RERG: variants seen among roughly 807,000 people sequenced by gnomAD.
RERG encodes ras-related and estrogen-regulated growth inhibitor.
In RERG, 25 loss-of-function variants were observed where a neutral mutation model predicts 23.2. The observed-to-expected ratio is 1.08, with a 90% CI of 0.79 to 1.50. The LOEUF is 1.50. Among genes scored for constraint, RERG ranks in the 40% most tolerant of loss-of-function variants. The pLI, the probability that RERG is intolerant of heterozygous loss-of-function variation, is 0.00. For missense variants in RERG, 253 were observed against 250.1 expected (o/e 1.01, Z -0.08); for synonymous variants, 81 against 89.1 (o/e 0.91, Z 0.51).
At chr12:15,191,300 C>A (rs1022751284) in intron 2 of RERG, among the ~76,000 whole-genome samples, 1 of 152,030 alleles carries the variant, frequency 6.6e-6, no homozygotes, top group Non-Finnish European at 1.5e-5. Context: ...TAAATCCTTT[C>A]TCTCCCTTAT....
chr12:15,127,856 AT>A (rs1863975044), intron 2 of RERG, among the ~76,000 whole-genome samples: 2 of 152,214 alleles, frequency 1.3e-5, no homozygotes, highest in South Asian at 4.1e-4. Flanking sequence ...TTAAGTATAT[AT>A]TAAATACTGA....
rs772353150 is a variant in RERG, at chr12:15,212,042, CTTTTTTTTTT to C, written c.61+5377_61+5386del. ...ATGTGATATTAGAGCCACGAATAAA[CTTTTTTTTTT>C]TTTTTTTTTTTTTTTTTTGAGACGG... is the stretch of plus-strand genomic sequence containing the variant. On this transcript the variant is annotated intron_variant, in intron 2 of 4. Transcript: ENST00000256953. Among the ~76,000 whole-genome samples, 19 of 64,716 alleles carry C rather than the reference CTTTTTTTTTT, an allele frequency of 2.9e-4. No individual in the cohort carries two copies. The Admixed American group carries it at 3.1e-3, about 11-fold the overall frequency. 42.5% of individuals were successfully genotyped at this position (64,716 alleles called of 152,430 possible). A position where few individuals can be genotyped will look rare whatever the true frequency, so the allele number is the denominator to read the frequency against.
intron 2 of RERG, among the ~76,000 whole-genome samples, chr12:15,194,956 C>T (rs1433231823): frequency 6.6e-6 from 1 of 152,052 alleles, no homozygotes; most frequent in Admixed American, 6.6e-5. Context: ...TTATAGCCAT[C>T]AAAAATTGAT....
At chr12:15,210,336 T>C (rs1009003606) in intron 2 of RERG, among the ~76,000 whole-genome samples, 2 of 152,202 alleles carry the variant, frequency 1.3e-5, no homozygotes, top group Non-Finnish European at 2.9e-5. Flanking sequence ...AAATTAGCCA[T>C]TAGTTTAAAA....
chr12:15,168,566 T>C (rs1054341283), intron 2 of RERG, among the ~76,000 whole-genome samples: 1 of 152,174 alleles, frequency 6.6e-6, no homozygotes, highest in African/African-American at 2.4e-5. Flanking sequence ...CCTGGTGTCA[T>C]GTTGTGGGTA....
At chr12:15,116,221 T>A (rs1416211754) in intron 3 of RERG, among the ~76,000 whole-genome samples, 1 of 152,228 alleles carries the variant, frequency 6.6e-6, no homozygotes. Flanking sequence ...GCATCACGCA[T>A]GCTGGGGAGC....
chr12:15,110,463 C>CTTTTT lies in RERG; in HGVS notation c.192+876_192+880dup, dbSNP rs869218147. ...CTGTCATTCCAGTGGCCATTTTTTT[C>CTTTTT]TTTTTTTTTTTTTTTTTTTTTTTTT... On this transcript the variant is annotated intron_variant, in intron 4 of 4. Transcript: ENST00000256953. Among the ~76,000 whole-genome samples the CTTTTT allele has an allele frequency of 1.5e-3, 107 of 73,146 alleles. 17 individuals carry two copies. Among genetic ancestry groups the CTTTTT allele is most frequent in the Middle Eastern group, 0.021 (2 of 94 alleles). 48.0% of individuals were successfully genotyped at this position (73,146 alleles called of 152,430 possible).
intron 2 of RERG, among the ~76,000 whole-genome samples, chr12:15,159,658 C>A (rs1374128472): frequency 6.6e-6 from 1 of 152,176 alleles, no homozygotes; most frequent in Non-Finnish European, 1.5e-5. Flanking sequence ...CCCGTCTCTA[C>A]TAAAAATACC....
chr12:15,131,966 G>A (rs1270479117), intron 2 of RERG, among the ~76,000 whole-genome samples: 1 of 152,154 alleles, frequency 6.6e-6, no homozygotes, highest in Non-Finnish European at 1.5e-5. Context: ...AAGGGTGTCA[G>A]TGGAAGGAAT....
intron 2 of RERG, among the ~76,000 whole-genome samples, chr12:15,193,580 C>G (rs979017744): frequency 6.6e-6 from 1 of 152,168 alleles, no homozygotes; most frequent in Non-Finnish European, 1.5e-5. Flanking sequence ...ATGCTGCCCA[C>G]ACTGGGGCTC....
chr12:15,191,958 A>C (rs1290355022), intron 2 of RERG, among the ~76,000 whole-genome samples: 2 of 152,162 alleles, frequency 1.3e-5, no homozygotes, highest in Non-Finnish European at 2.9e-5. Flanking sequence ...TTGAATGAAC[A>C]AATGCCAAGT....
intron 2 of RERG, among the ~76,000 whole-genome samples, chr12:15,186,647 TCAAA>T (rs1355377120): frequency 6.6e-6 from 1 of 151,618 alleles, no homozygotes; most frequent in Non-Finnish European, 1.5e-5. Context: ...GAAGAAGGAA[TCAAA>T]CAAAGAAAGA....
At chr12:15,218,034 A>C (rs1865466280) in intron 1 of RERG, 1 of 152,696 alleles carries the variant, frequency 6.5e-6, no homozygotes, top group Non-Finnish European at 1.5e-5. Context: ...ACATACATTC[A>C]TATTAGTCAA....
At position 15,171,377 on chromosome 12, in the gene RERG, G is replaced by A. The variant is rs1864776106; in HGVS notation, c.61+46052C>T. ...GAATAAATGATTTAATTAACACAAGGTGAGTTCAGGGACCAAATAATTTGG... is the reference window on the plus strand; with the variant it reads ...GAATAAATGATTTAATTAACACAAGATGAGTTCAGGGACCAAATAATTTGG... On this transcript the variant is annotated intron_variant, in intron 2 of 4. Coordinates refer to ENST00000256953, the MANE Select transcript of RERG (RefSeq NM_032918.3). 2.0e-5 allele frequency among the ~76,000 whole-genome samples: 3 copies of A among 152,184 alleles called. No homozygotes were observed. The South Asian group carries it at 6.2e-4, about 31-fold the overall frequency.
chr12:15,119,427 T>C (rs954174282), intron 3 of RERG, among the ~76,000 whole-genome samples: 2 of 152,176 alleles, frequency 1.3e-5, no homozygotes, highest in African/African-American at 4.8e-5. Context: ...TCATCTTTCA[T>C]TGAGATATAT....
At chr12:15,111,499 T>C (rs1355012737) in intron 3 of RERG, 82 bp from the exon 4 acceptor site, 4 of 1,079,980 alleles carry the variant, frequency 3.7e-6, no homozygotes, top group East Asian at 2.4e-5. Context: ...AAAATGGGCA[T>C]GGGAGAAGTA....
At chr12:15,127,673 T>C (rs990116057) in intron 2 of RERG, among the ~76,000 whole-genome samples, 3 of 152,240 alleles carry the variant, frequency 2.0e-5, no homozygotes, top group Non-Finnish European at 4.4e-5. Context: ...TTTGTGGAGA[T>C]AGTTTATTAC....
chr12:15,134,536 C>A (rs563652508), intron 2 of RERG, among the ~76,000 whole-genome samples: 1 of 152,108 alleles, frequency 6.6e-6, no homozygotes, highest in African/African-American at 2.4e-5. Context: ...TGAAGTCAGT[C>A]CTCTGAATGT....
intron 2 of RERG, among the ~76,000 whole-genome samples, chr12:15,194,763 G>A (rs1865119593): frequency 6.6e-6 from 1 of 152,092 alleles, no homozygotes; most frequent in Non-Finnish European, 1.5e-5. Context: ...GGTTGCTGCA[G>A]GATGTTGGGC....
Sources: allele counts gnomAD v4.1 joint callset (sites outside exome capture counted in the v4.1 genomes callset), GRCh38; gene constraint gnomAD v4.1.1; transcripts MANE v1.5; gene names NCBI Gene and HGNC (gene_info 2026-07-23, HGNC 2026-07-21).